GRID1: variants seen among roughly 807,000 people sequenced by gnomAD.
The protein encoded by GRID1 is glutamate ionotropic receptor delta type subunit 1.
GRID1 carries 28 observed loss-of-function variants against 98.0 expected under a neutral mutation model. The ratio of observed to expected loss-of-function variants is 0.29; its 90% CI spans 0.21 to 0.39. The LOEUF is 0.39. GRID1 is among the 10% of genes least tolerant of loss of function. The pLI is 1.00. For missense variants in GRID1, 1,111 were observed against 1,340.5 expected (o/e 0.83, Z 2.67); for synonymous variants, 553 against 538.5 (o/e 1.03, Z -0.37).
chr10:86,125,393 C>A (rs1844737639), intron 4 of GRID1, among the ~76,000 whole-genome samples: 1 of 152,230 alleles, frequency 6.6e-6, no homozygotes, highest in Non-Finnish European at 1.5e-5. Context: ...CAACCAGCAG[C>A]AGCCTTGTGG....
intron 4 of GRID1, among the ~76,000 whole-genome samples, chr10:86,093,518 A>C (rs1055061990): frequency 6.6e-6 from 1 of 152,192 alleles, no homozygotes; most frequent in Non-Finnish European, 1.5e-5. Flanking sequence ...AAAACAGTAG[A>C]TATTACAACT....
chr10:86,217,292 G>A (rs761631268), intron 2 of GRID1, among the ~76,000 whole-genome samples: 3 of 152,194 alleles, frequency 2.0e-5, no homozygotes, highest in Non-Finnish European at 4.4e-5. Flanking sequence ...TAACCTCCCT[G>A]AGCCTCTATC....
intron 12 of GRID1, among the ~76,000 whole-genome samples, chr10:85,711,628 GT>G (rs1841582642): frequency 6.6e-6 from 1 of 151,724 alleles, no homozygotes; most frequent in African/African-American, 2.4e-5. Context: ...TAGGTTTTAT[GT>G]TATGTATATT....
chr10:86,296,683 G>A (rs140816807), intron 2 of GRID1, among the ~76,000 whole-genome samples: 132 of 152,176 alleles, frequency 8.7e-4, no homozygotes, highest in African/African-American at 2.9e-3. Flanking sequence ...ATGTTGCAGC[G>A]AATCAAGATT....
intron 5 of GRID1, among the ~76,000 whole-genome samples, chr10:85,895,994 A>G (rs1394690179): frequency 6.8e-6 from 1 of 147,974 alleles, no homozygotes; most frequent in African/African-American, 2.6e-5. Context: ...CCTGCCCCTC[A>G]CTGCAAGTCT....
At chr10:85,787,870 G>T (rs992052958) in intron 8 of GRID1, among the ~76,000 whole-genome samples, 1 of 151,916 alleles carries the variant, frequency 6.6e-6, no homozygotes, top group Non-Finnish European at 1.5e-5. Context: ...TTCTACTCCC[G>T]ATGCTTCTGC....
At chr10:85,806,896 C>G (rs902130015) in intron 8 of GRID1, among the ~76,000 whole-genome samples, 56 of 152,094 alleles carry the variant, frequency 3.7e-4, no homozygotes, top group Non-Finnish European at 2.2e-4. Context: ...CTAATCTAAT[C>G]ATGCAATCAA....
intron 2 of GRID1, among the ~76,000 whole-genome samples, chr10:86,348,439 G>A (rs1848418733): frequency 6.6e-6 from 1 of 152,242 alleles, no homozygotes; most frequent in African/African-American, 2.4e-5. Flanking sequence ...GGCACAGGGT[G>A]GATGGGTGGA....
intron 15 of GRID1, among the ~76,000 whole-genome samples, chr10:85,609,056 C>T (rs1250527590): frequency 6.6e-6 from 1 of 152,140 alleles, no homozygotes; most frequent in African/African-American, 2.4e-5. Flanking sequence ...GAAAATGCTA[C>T]CTCGGAACCC....
intron 8 of GRID1, among the ~76,000 whole-genome samples, chr10:85,851,601 A>G (rs914646512): frequency 2.0e-5 from 3 of 152,154 alleles, no homozygotes; most frequent in Non-Finnish European, 4.4e-5. Context: ...ATATCTTGCT[A>G]CTTAATTTAA....
At chr10:85,718,166 G>A (rs1228267847) in intron 12 of GRID1, among the ~76,000 whole-genome samples, 7 of 152,166 alleles carry the variant, frequency 4.6e-5, no homozygotes, top group Non-Finnish European at 7.4e-5. Flanking sequence ...TCACAGCTCC[G>A]CTAGGCAGTG....
intron 4 of GRID1, among the ~76,000 whole-genome samples, chr10:85,991,206 A>T (rs1842675444): frequency 6.6e-6 from 1 of 152,150 alleles, no homozygotes; most frequent in Non-Finnish European, 1.5e-5. Context: ...TGGTGGATCC[A>T]CTGATTGAAT....
In GRID1 at chr10:85,841,805, T is replaced by C. The variant is rs549628778; in HGVS notation, c.1233+12691A>G. 1.4e-4 allele frequency among the ~76,000 whole-genome samples: 21 copies of C among 152,184 alleles called. No individual in the cohort carries two copies. The East Asian group carries it at 3.7e-3, about 27-fold the overall frequency. Reference sequence around the variant, plus strand: ...CATCTCACACCAATCAAAATGGCTATTATGAAAAAGTCAAAAATAACAGAT... The same window carrying C: ...CATCTCACACCAATCAAAATGGCTACTATGAAAAAGTCAAAAATAACAGAT... On this transcript the variant is annotated intron_variant, in intron 8 of 15. Transcript: ENST00000327946.
At chr10:86,140,932 C>G (rs11201897) in intron 3 of GRID1, among the ~76,000 whole-genome samples, 6,505 of 152,226 alleles carry the variant, frequency 0.043, 145 homozygotes, top group Non-Finnish European at 0.054. Context: ...AAATGAGAAC[C>G]CTGGGGGCTC....
intron 3 of GRID1, among the ~76,000 whole-genome samples, chr10:86,157,587 C>T (rs1033161209): frequency 1.3e-5 from 2 of 152,182 alleles, no homozygotes; most frequent in Non-Finnish European, 2.9e-5. Context: ...TCCCTAAACA[C>T]GTCTCTCCTC....
intron 4 of GRID1, among the ~76,000 whole-genome samples, chr10:86,027,906 G>C (rs1415347462): frequency 1.3e-5 from 2 of 152,136 alleles, no homozygotes; most frequent in African/African-American, 4.8e-5. Context: ...GCTGTATATA[G>C]ACAAGAGAAT....
intron 4 of GRID1, among the ~76,000 whole-genome samples, chr10:86,115,184 A>G (rs1261758201): frequency 6.6e-6 from 1 of 152,204 alleles, no homozygotes; most frequent in Non-Finnish European, 1.5e-5. Context: ...CATGGCTGTG[A>G]GTTATGAAAA....
At chr10:85,807,663 T>G (rs560079504) in intron 8 of GRID1, among the ~76,000 whole-genome samples, 4 of 152,190 alleles carry the variant, frequency 2.6e-5, no homozygotes, top group East Asian at 1.9e-4. Context: ...ATGCAAAACA[T>G]GATCAAAATG....
At chr10:85,777,787 C>A (rs1842345756) in intron 8 of GRID1, among the ~76,000 whole-genome samples, 1 of 152,156 alleles carries the variant, frequency 6.6e-6, no homozygotes. Context: ...TTCCTTAGTC[C>A]TGGGCAAATG....
Sources: allele counts gnomAD v4.1 joint callset (sites outside exome capture counted in the v4.1 genomes callset), GRCh38; gene constraint gnomAD v4.1.1; transcripts MANE v1.5; gene names NCBI Gene and HGNC (gene_info 2026-07-23, HGNC 2026-07-21).